Variants in RAD51B observed in about 807,000 individuals in gnomAD.
RAD51B encodes DNA repair protein RAD51 homolog 2.
A neutral mutation model predicts 42.2 loss-of-function variants in RAD51B; 38 were observed. The observed-to-expected ratio is 0.90, with a 90% CI of 0.70 to 1.18. The LOEUF (loss-of-function observed/expected upper bound fraction) is 1.18. RAD51B is among the 50% of genes most tolerant of loss of function. RAD51B has a pLI of 0.00. For synonymous variants in RAD51B, 154 were observed against 145.2 expected, an observed-to-expected ratio of 1.06 and a Z score of -0.43; for missense variants, 373 against 400.7, an observed-to-expected ratio of 0.93 and a Z score of 0.59.
intron 7 of RAD51B, among the ~76,000 whole-genome samples, chr14:68,190,089 T>C (rs1038692730): frequency 1.3e-5 from 2 of 152,222 alleles, no homozygotes; most frequent in African/African-American, 4.8e-5. Context: ...ATTCTCCCAC[T>C]AAAAGTTGCT....
At chr14:68,414,572 AAACT>A (rs961963982) in intron 9 of RAD51B, among the ~76,000 whole-genome samples, 6 of 152,144 alleles carry the variant, frequency 3.9e-5, no homozygotes, top group Non-Finnish European at 8.8e-5. Context: ...AGGTCCAAAC[AAACT>A]AATACTGAGG....
At chr14:68,148,342 A>G (rs2078299342) in intron 7 of RAD51B, among the ~76,000 whole-genome samples, 1 of 152,206 alleles carries the variant, frequency 6.6e-6, no homozygotes, top group Admixed American at 6.5e-5. Context: ...TTGGGCAAAT[A>G]CCTAGGAGTG....
At chr14:67,924,595 G>C (rs2044440324) in intron 7 of RAD51B, among the ~76,000 whole-genome samples, 1 of 152,180 alleles carries the variant, frequency 6.6e-6, no homozygotes, top group African/African-American at 2.4e-5. Flanking sequence ...TTTGTGCAGA[G>C]AAACTCCCGT....
At chr14:68,632,851 C>T (rs1892259191) in intron 10 of RAD51B, among the ~76,000 whole-genome samples, 1 of 152,060 alleles carries the variant, frequency 6.6e-6, no homozygotes, top group African/African-American at 2.4e-5. Context: ...TCACAGCTCA[C>T]TGCAGCCTTG....
chr14:68,251,572 G>C (rs1429678501), intron 7 of RAD51B, among the ~76,000 whole-genome samples: 2 of 152,196 alleles, frequency 1.3e-5, no homozygotes, highest in Non-Finnish European at 1.5e-5. Flanking sequence ...CCCATGATGA[G>C]CTTTAGTCTG....
chr14:68,371,036 C>CAAAAAAAAAAAAAAAAAAA (rs75617123), intron 8 of RAD51B, among the ~76,000 whole-genome samples: 2 of 26,098 alleles, frequency 7.7e-5, no homozygotes, highest in Non-Finnish European at 1.2e-4. Flanking sequence ...GACTCTGTCT[C>CAAAAAAAAAAAAAAAAAAA]AAAAAAAAAA....
chr14:68,043,487 T>C (rs2076248499), intron 7 of RAD51B, among the ~76,000 whole-genome samples: 1 of 152,208 alleles, frequency 6.6e-6, no homozygotes. Context: ...AATTTTTAAG[T>C]ACCAACTTTT....
chr14:68,361,597 G>A, intron 8 of RAD51B, among the ~76,000 whole-genome samples: 1 of 152,096 alleles, frequency 6.6e-6, no homozygotes, highest in East Asian at 1.9e-4. Context: ...GGTAAGGATG[G>A]AGAAAGGGGA....
rs148341375 is a variant in RAD51B at position 67,917,818 on chromosome 14, C to CTATA, written c.756+30626_756+30629dup. 4.0e-5 allele frequency among the ~76,000 whole-genome samples: 6 copies of CTATA among 150,270 alleles called. No homozygotes were observed. The South Asian group carries it at 1.0e-3, about 26-fold the overall frequency. ...GAGGGGGAAGATCAGGAGTTCAGTA[C>CTATA]TATATATATATATATTGAGTTTGAG... On this transcript the variant is annotated intron_variant, in intron 7 of 10. Transcript: ENST00000471583.
At chr14:68,072,210 T>TTATATA (rs60687017) in intron 7 of RAD51B, among the ~76,000 whole-genome samples, 18,402 of 136,062 alleles carry the variant, frequency 0.14, 1,556 homozygotes, top group African/African-American at 0.24. Flanking sequence ...TTTCTAGGTT[T>TTATATA]TATATATATA....
chr14:68,572,544 T>C (rs1294835667), intron 10 of RAD51B, among the ~76,000 whole-genome samples: 1 of 152,200 alleles, frequency 6.6e-6, no homozygotes, highest in Non-Finnish European at 1.5e-5. Flanking sequence ...GCCCAACTCC[T>C]TCCTTCTCTG....
intron 8 of RAD51B, chr14:68,387,289 A>G (rs1278565354): frequency 6.6e-6 from 1 of 152,064 alleles, no homozygotes; most frequent in African/African-American, 2.4e-5. Flanking sequence ...ATCTTATTAA[A>G]CTCCTGTTTG....
chr14:68,434,016 C>G (rs966530348), intron 9 of RAD51B, among the ~76,000 whole-genome samples: 3 of 152,258 alleles, frequency 2.0e-5, no homozygotes, highest in Admixed American at 2.0e-4. Context: ...CACTCCAGAC[C>G]CTGTTTGCCT....
At chr14:68,461,445 A>G (rs2085843893) in intron 9 of RAD51B, among the ~76,000 whole-genome samples, 1 of 152,108 alleles carries the variant, frequency 6.6e-6, no homozygotes, top group African/African-American at 2.4e-5. Context: ...GGGAGCTGCC[A>G]TCATGGTGGT....
At chr14:68,402,421 G>A (rs781219775) in intron 8 of RAD51B, among the ~76,000 whole-genome samples, 1 of 152,182 alleles carries the variant, frequency 6.6e-6, no homozygotes, top group Non-Finnish European at 1.5e-5. Context: ...TTTTAAACAG[G>A]AGAAGCTGAA....
At chr14:68,535,198 C>G (rs1887545083) in intron 10 of RAD51B, among the ~76,000 whole-genome samples, 1 of 152,126 alleles carries the variant, frequency 6.6e-6, no homozygotes, top group African/African-American at 2.4e-5. Context: ...ACCAAGGAGG[C>G]TAGACCTCTA....
intron 7 of RAD51B, among the ~76,000 whole-genome samples, chr14:68,117,730 C>T (rs190447368): frequency 6.6e-6 from 1 of 152,116 alleles, no homozygotes; most frequent in African/African-American, 2.4e-5. Context: ...TGCTTTAACA[C>T]CCTGAGGTGT....
downstream of RAD51B, among the ~76,000 whole-genome samples, chr14:68,612,994 AG>A (rs1891730309): frequency 6.6e-6 from 1 of 152,132 alleles, no homozygotes; most frequent in African/African-American, 2.4e-5. Flanking sequence ...GTGTCCCTGC[AG>A]GAGTGAAAAT....
At chr14:68,086,502 G>A (rs927037673) in intron 7 of RAD51B, among the ~76,000 whole-genome samples, 1 of 152,200 alleles carries the variant, frequency 6.6e-6, no homozygotes, top group East Asian at 1.9e-4. Context: ...AGGTCTGGGG[G>A]TAGAGCCCTC....
Sources: gnomAD v4.1 joint callset for allele counts (sites outside exome capture counted in the v4.1 genomes callset) on GRCh38, gnomAD v4.1.1 for gene constraint, MANE v1.5 for transcripts, NCBI Gene and HGNC (gene_info 2026-07-23, HGNC 2026-07-21) for gene names.